The following MTMR2 variants were observed in gnomAD, a reference collection of about 807,000 sequenced individuals.
The protein encoded by MTMR2 is phosphatidylinositol-3,5-bisphosphate 3-phosphatase MTMR2.
Under a neutral mutation model 86.9 loss-of-function variants are expected in MTMR2, and 55 were observed. That is an observed-to-expected ratio of 0.63 (90% CI 0.51 to 0.79). The LOEUF (loss-of-function observed/expected upper bound fraction) is 0.79. Among genes scored for constraint, MTMR2 ranks in the 30% least tolerant of loss-of-function variants. MTMR2 has a pLI of 0.00. For missense variants in MTMR2, 659 were observed against 772.3 expected (o/e 0.85, Z 1.74); for synonymous variants, 241 against 266.8 (o/e 0.90, Z 0.94).
rs201863810 is a variant in MTMR2, at chr11:95,845,882, TAAAAAAA to T, written c.1180-730_1180-724del. On this transcript the variant is annotated intron_variant, in intron 10 of 14. Coordinates refer to ENST00000346299, the MANE Select transcript of MTMR2 (RefSeq NM_016156.6). ...AAAGAAACACAAAAGTATGGTATCTTAAAAAAAAAAAAAAAAAAAAAGGACAATACAG... is the reference window on the plus strand; with the variant it reads ...AAAGAAACACAAAAGTATGGTATCTTAAAAAAAAAAAAAAGGACAATACAG... 1.2e-3 allele frequency among the ~76,000 whole-genome samples: 110 copies of T among 90,072 alleles called. 1 individual carries two copies. The South Asian group carries it at 0.013, about 11-fold the overall frequency. The allele number at this position is 90,072 out of a possible 152,430, so 59.1% of individuals were successfully genotyped here. A position where few individuals can be genotyped will look rare whatever the true frequency, so the allele number is the denominator to read the frequency against.
chr11:95,856,956 A>T (rs1179012073), intron 7 of MTMR2, among the ~76,000 whole-genome samples: 1 of 152,004 alleles, frequency 6.6e-6, no homozygotes, highest in Non-Finnish European at 1.5e-5. Context: ...TTTGTATTCT[A>T]TTTCATATTT....
intron 8 of MTMR2, among the ~76,000 whole-genome samples, 163 bp from the exon 9 acceptor site, chr11:95,850,025 A>C (rs911606032): frequency 1.3e-5 from 2 of 152,212 alleles, no homozygotes; most frequent in East Asian, 1.9e-4. Flanking sequence ...CTTCAAGCCA[A>C]TTCTGGGATG....
At chr11:95,900,665 A>G (rs1866040774) in intron 1 of MTMR2, among the ~76,000 whole-genome samples, 1 of 151,870 alleles carries the variant, frequency 6.6e-6, no homozygotes, top group African/African-American at 2.4e-5. Context: ...CCTTCCTCTC[A>G]TGCACATCAT....
At chr11:95,855,259 A>G (rs937752116) in intron 7 of MTMR2, among the ~76,000 whole-genome samples, 8 of 151,784 alleles carry the variant, frequency 5.3e-5, no homozygotes, top group Admixed American at 2.6e-4. Flanking sequence ...ATTTTTATTT[A>G]TTTACTTATT....
At chr11:95,904,243 T>A (rs1308192711) in intron 1 of MTMR2, among the ~76,000 whole-genome samples, 1 of 152,172 alleles carries the variant, frequency 6.6e-6, no homozygotes, top group Admixed American at 6.6e-5. Context: ...CATCATAAAA[T>A]TTTCCCTCTC....
At chr11:95,854,414 T>G (rs1324306214) in intron 7 of MTMR2, among the ~76,000 whole-genome samples, 1 of 152,190 alleles carries the variant, frequency 6.6e-6, no homozygotes, top group Non-Finnish European at 1.5e-5. Context: ...GTTTGTTAAG[T>G]AATGCATGTA....
intron 1 of MTMR2, among the ~76,000 whole-genome samples, chr11:95,915,279 G>A (rs1205939848): frequency 6.6e-6 from 1 of 152,034 alleles, no homozygotes; most frequent in African/African-American, 2.4e-5. Context: ...ATAACCTCCA[G>A]ACAAGGCCTC....
intron 1 of MTMR2, among the ~76,000 whole-genome samples, chr11:95,888,725 A>G (rs1009340167): frequency 7.5e-6 from 1 of 133,728 alleles, no homozygotes; most frequent in Admixed American, 6.9e-5. Context: ...ACACATACAC[A>G]CACACACACA....
intron 3 of MTMR2, 48 bp downstream of exon 3, chr11:95,865,553 G>C (rs747201566): frequency 1.3e-6 from 2 of 1,509,876 alleles, no homozygotes; most frequent in Non-Finnish European, 1.8e-6. Flanking sequence ...TGAACATTCT[G>C]CACAGTAGAA....
chr11:95,890,385 C>T (rs925212575), intron 1 of MTMR2, among the ~76,000 whole-genome samples: 3 of 152,146 alleles, frequency 2.0e-5, no homozygotes, highest in Non-Finnish European at 4.4e-5. Context: ...CCCTTTCTCC[C>T]TAACTTTGAT....
At chr11:95,867,524 T>C (rs1215746453) in intron 2 of MTMR2, among the ~76,000 whole-genome samples, 1 of 152,130 alleles carries the variant, frequency 6.6e-6, no homozygotes, top group African/African-American at 2.4e-5. Context: ...TCTTATATTC[T>C]CTCTGACCAG....
intron 2 of MTMR2, among the ~76,000 whole-genome samples, chr11:95,876,774 T>G (rs1405113556): frequency 6.6e-6 from 1 of 152,152 alleles, no homozygotes; most frequent in African/African-American, 2.4e-5. Context: ...CCCAGTAATT[T>G]TCCATGTGAC....
chr11:95,850,796 A>G (rs1257140679), intron 7 of MTMR2, 47 bp from the exon 8 acceptor site: 1 of 1,551,038 alleles, frequency 6.4e-7, no homozygotes, highest in Admixed American at 1.7e-5. Flanking sequence ...TAACTAAAAT[A>G]TTAAACGACA....
chr11:95,847,631 T>G, intron 10 of MTMR2, 83 bp downstream of exon 10: 1 of 1,241,122 alleles, frequency 8.1e-7, no homozygotes, highest in Non-Finnish European at 1.2e-6. Context: ...TACCTTCATG[T>G]TGATTGCAAT....
chr11:95,839,582 GAACTAT>G (rs1206413209), intron 12 of MTMR2, among the ~76,000 whole-genome samples: 3 of 152,072 alleles, frequency 2.0e-5, no homozygotes, highest in Non-Finnish European at 4.4e-5. Flanking sequence ...CAGCAGAAGA[GAACTAT>G]TTTGTTTTCT....
intron 2 of MTMR2, among the ~76,000 whole-genome samples, chr11:95,876,132 G>C (rs1180627506): frequency 6.6e-6 from 1 of 152,222 alleles, no homozygotes; most frequent in African/African-American, 2.4e-5. Flanking sequence ...AAAGCTGTCA[G>C]ACAGGGACAT....
chr11:95,842,574 C>G (rs530732594), intron 11 of MTMR2, among the ~76,000 whole-genome samples: 1 of 152,290 alleles, frequency 6.6e-6, no homozygotes, highest in East Asian at 1.9e-4. Flanking sequence ...ACTCAGATAA[C>G]TGAAAACAGA....
chr11:95,903,370 G>A (rs1022430528), intron 1 of MTMR2, among the ~76,000 whole-genome samples: 1 of 151,998 alleles, frequency 6.6e-6, no homozygotes, highest in Non-Finnish European at 1.5e-5. Context: ...TATTACAGTC[G>A]TTCCCTTGCC....
chr11:95,879,842 A>T (rs1025091637), intron 2 of MTMR2, among the ~76,000 whole-genome samples: 1 of 152,122 alleles, frequency 6.6e-6, no homozygotes, highest in African/African-American at 2.4e-5. Flanking sequence ...TATCTTGTCA[A>T]ATTTTAACCA....
Sources: allele counts gnomAD v4.1 joint callset (sites outside exome capture counted in the v4.1 genomes callset), GRCh38; gene constraint gnomAD v4.1.1; transcripts MANE v1.5; gene names NCBI Gene and HGNC (gene_info 2026-07-23, HGNC 2026-07-21).